STAM2: variants seen among roughly 807,000 people sequenced by gnomAD.
STAM2 encodes the protein signal transducing adapter molecule 2.
STAM2 carries 51 observed loss-of-function variants against 65.6 expected under a neutral mutation model. The ratio of observed to expected loss-of-function variants is 0.78; its 90% CI spans 0.62 to 0.98. STAM2 has a LOEUF of 0.98. Among genes scored for constraint, STAM2 ranks in the 50% least tolerant of loss-of-function variants. The pLI is 0.00. For synonymous variants in STAM2, 198 were observed against 208.4 expected, an observed-to-expected ratio of 0.95 and a Z score of 0.43; for missense variants, 584 against 617.8, an observed-to-expected ratio of 0.95 and a Z score of 0.58.
chr2:152,152,214 T>C lies in STAM2; in HGVS notation c.41-1985A>G, dbSNP rs537997952. Among the ~76,000 whole-genome samples, 28 of 152,172 alleles carry C rather than the reference T, an allele frequency of 1.8e-4. No homozygotes were observed. The East Asian group carries it at 5.2e-3, about 28-fold the overall frequency. The stretch of plus-strand genomic sequence containing the variant: ...CCTCGGCCTCCCAAAGTGCTGAGAT[T>C]ACTAGTTTGAGCCATCATGCCCAGT... On this transcript the variant is annotated intron_variant, in intron 1 of 13. Transcript: ENST00000263904.
At chr2:152,130,481 G>A (rs904858420) in intron 11 of STAM2, among the ~76,000 whole-genome samples, 1 of 151,856 alleles carries the variant, frequency 6.6e-6, no homozygotes, top group African/African-American at 2.4e-5. Context: ...TCGATCTCCT[G>A]ACCTCATGAT....
rs553563198 is a variant in STAM2 at position 152,134,267 on chromosome 2, G to A, written c.800-783C>T. On this transcript the variant is annotated intron_variant, in intron 8 of 13. Transcript: ENST00000263904. ...AGAACAGAAGTCAGCATAACACAAG[G>A]ATAAACTGAAAATCCACAATATTTT... Among the ~76,000 whole-genome samples the A allele has an allele frequency of 7.5e-3, 1,146 of 152,180 alleles. 6 individuals carry two copies. Among genetic ancestry groups the A allele is most frequent in the Middle Eastern group, 0.014 (4 of 294 alleles).
intron 1 of STAM2, among the ~76,000 whole-genome samples, chr2:152,174,288 T>C (rs1048356692): frequency 6.6e-6 from 1 of 152,226 alleles, no homozygotes; most frequent in Non-Finnish European, 1.5e-5. Context: ...GTGTTCATAA[T>C]AGCAATTTTT....
chr2:152,173,080 T>C lies in STAM2; in HGVS notation c.40+2523A>G, dbSNP rs532284472. 3.4e-4 allele frequency among the ~76,000 whole-genome samples: 52 copies of C among 151,882 alleles called. 1 individual carries two copies. Among genetic ancestry groups the C allele is most frequent in the Middle Eastern group, 6.8e-3 (2 of 294 alleles). On this transcript the variant is annotated intron_variant, in intron 1 of 13. Transcript: ENST00000263904. ...ATGTCTCTCTGTTTCCTCCATTAGA[T>C]TGAGAGTTCCTTGAAGGCAGGAACT... is the stretch of plus-strand genomic sequence containing the variant.
Position 152,148,127 on chromosome 2 carries a change from T to G in STAM2, c.202-5A>C, listed in dbSNP as rs771624954. The G allele has an allele frequency of 1.1e-5, 17 of 1,598,248 alleles. No homozygotes were observed. Among genetic ancestry groups the G allele is most frequent in the Admixed American group, 6.9e-5 (4 of 57,588 alleles). Reference sequence around the variant, plus strand: ...TGCCACACAAGCCCCAAGAAGCTATTAATTGAAATAAAAATATATGAATAT... The same window carrying G: ...TGCCACACAAGCCCCAAGAAGCTATGAATTGAAATAAAAATATATGAATAT... On this transcript the variant is annotated splice_region_variant and splice_polypyrimidine_tract_variant and intron_variant, in intron 3 of 13. Transcript: ENST00000263904.
In STAM2 at chr2:152,175,726, C is replaced by T. The variant is rs1008685285; in HGVS notation, c.-84G>A. 6 of 1,450,464 alleles carry T rather than the reference C, an allele frequency of 4.1e-6. No individual in the cohort carries two copies. In the African/African-American group the frequency reaches 5.6e-5, roughly 14 times the overall value. The allele number at this position is 1,450,464 out of a possible 1,614,324, so 89.8% of individuals were successfully genotyped here. On this transcript the variant is annotated 5_prime_UTR_variant, in exon 1 of 14. Coordinates refer to ENST00000263904, the MANE Select transcript of STAM2 (RefSeq NM_005843.6). ...CGCCGGGTGACCCGCGGCCGCGGCT[C>T]CCTAGACCGCTCCGCTTCGGCCTCC...
intron 13 of STAM2, among the ~76,000 whole-genome samples, 193 bp downstream of exon 13, chr2:152,123,573 G>A (rs1688900470): frequency 6.6e-6 from 1 of 152,138 alleles, no homozygotes. Context: ...TTTGCCCCAA[G>A]GATGCAGACT....
chr2:152,144,830 C>T (rs1689309714), intron 6 of STAM2, 58 bp downstream of exon 6: 2 of 1,505,412 alleles, frequency 1.3e-6, no homozygotes, highest in Non-Finnish European at 9.2e-7. Context: ...AGCCACCGCG[C>T]CCAGCCCTGG....
intron 1 of STAM2, among the ~76,000 whole-genome samples, chr2:152,172,862 CAA>C (rs1400288847): frequency 2.1e-4 from 13 of 62,412 alleles, no homozygotes; most frequent in East Asian, 4.7e-4. Context: ...AGATTCGTCT[CAA>C]AAAAAAAAAA....
rs185731352 is a variant in STAM2 at position 152,137,184 on chromosome 2, G to A, written c.705-1581C>T. 1.4e-3 allele frequency among the ~76,000 whole-genome samples: 217 copies of A among 152,000 alleles called. 2 individuals carry two copies. The highest frequency in any genetic ancestry group is 1.2e-3 in the Non-Finnish European group (79 of 67,956). The stretch of plus-strand genomic sequence containing the variant: ...ATTACAGGTGTGAGCCACCGCACCC[G>A]GCCATAAGCATTTCATTTTACTAGA... On this transcript the variant is annotated intron_variant, in intron 7 of 13. Transcript: ENST00000263904.
chr2:152,137,575 A>G (rs930373225), intron 7 of STAM2, among the ~76,000 whole-genome samples: 6 of 152,088 alleles, frequency 3.9e-5, no homozygotes, highest in African/African-American at 1.4e-4. Flanking sequence ...CTGTCTTTTC[A>G]GCATATGTTT....
At chr2:152,171,683 CT>C (rs966095288) in intron 1 of STAM2, among the ~76,000 whole-genome samples, 36 of 152,352 alleles carry the variant, frequency 2.4e-4, no homozygotes, top group Middle Eastern at 6.8e-3. Context: ...TAAAATGTCA[CT>C]TGGAAATGTA....
At chr2:152,170,460 G>A (rs1311196798) in intron 1 of STAM2, among the ~76,000 whole-genome samples, 9 of 149,248 alleles carry the variant, frequency 6.0e-5, no homozygotes, top group Admixed American at 4.7e-4. Flanking sequence ...TCCAGCCTGG[G>A]TGACAGGGCA....
chr2:152,154,808 C>T (rs1689512537), intron 1 of STAM2, among the ~76,000 whole-genome samples: 2 of 152,116 alleles, frequency 1.3e-5, no homozygotes, highest in African/African-American at 4.8e-5. Flanking sequence ...TACGTCTATA[C>T]CAGTATTTTT....
intron 1 of STAM2, among the ~76,000 whole-genome samples, chr2:152,173,725 A>C (rs1451734012): frequency 6.6e-6 from 1 of 152,158 alleles, no homozygotes; most frequent in African/African-American, 2.4e-5. Flanking sequence ...TTTGAAATGA[A>C]AAGTTTTAAG....
In STAM2 at chr2:152,127,849, T is replaced by C. The variant is rs114418509; in HGVS notation, c.1026-1470A>G. Among the ~76,000 whole-genome samples the C allele has an allele frequency of 8.3e-3, 1,268 of 152,292 alleles. 26 individuals are homozygous for C. Among genetic ancestry groups the C allele is most frequent in the African/African-American group, 0.029 (1,211 of 41,558 alleles). Reference sequence around the variant, plus strand: ...AGAACTCTCTTTGCACTGTCAAATTTACAAAAGCTAAGCAACCACTTTTCA... The same window carrying C: ...AGAACTCTCTTTGCACTGTCAAATTCACAAAAGCTAAGCAACCACTTTTCA... On this transcript the variant is annotated intron_variant, in intron 11 of 13. Coordinates refer to ENST00000263904, the MANE Select transcript of STAM2 (RefSeq NM_005843.6).
At position 152,122,242 on chromosome 2, in the gene STAM2, A is replaced by C. The variant is rs1257674481; in HGVS notation, c.1350-1440T>G. 2.6e-5 allele frequency among the ~76,000 whole-genome samples: 4 copies of C among 151,870 alleles called. No homozygotes were observed. The East Asian group carries it at 5.8e-4, about 22-fold the overall frequency. On this transcript the variant is annotated intron_variant, in intron 13 of 13. Coordinates refer to ENST00000263904, the MANE Select transcript of STAM2 (RefSeq NM_005843.6). The stretch of plus-strand genomic sequence containing the variant: ...GCCTGCTTTGAGACCAGCCCAGGCA[A>C]CATGGCAATACCCATCTCTACAAAA...
intron 1 of STAM2, among the ~76,000 whole-genome samples, chr2:152,153,458 A>T (rs1187818747): frequency 6.6e-6 from 1 of 152,184 alleles, no homozygotes; most frequent in African/African-American, 2.4e-5. Flanking sequence ...GAGTAAAGAG[A>T]AACACACCAA....
At position 152,130,095 on chromosome 2, in the gene STAM2, A is replaced by G. The variant is rs16830739; in HGVS notation, c.1025+2019T>C. Among the ~76,000 whole-genome samples, 381 of 152,310 alleles carry G rather than the reference A, an allele frequency of 2.5e-3. 2 individuals carry two copies. The highest frequency in any genetic ancestry group is 8.8e-3 in the African/African-American group (364 of 41,568). On this transcript the variant is annotated intron_variant, in intron 11 of 13. Transcript: ENST00000263904. ...CAATAAATACCACTAGAAAGGGATG[A>G]TGATGGAATACTAAGCCCTATCCCT... is the stretch of plus-strand genomic sequence containing the variant.
Sources: allele counts gnomAD v4.1 joint callset (sites outside exome capture counted in the v4.1 genomes callset), GRCh38; gene constraint gnomAD v4.1.1; transcripts MANE v1.5; gene names NCBI Gene and HGNC (gene_info 2026-07-23, HGNC 2026-07-21).